EVA1C: variants seen among roughly 807,000 people sequenced by gnomAD.
The protein encoded by EVA1C is protein eva-1 homolog C.
Under a neutral mutation model 45.4 loss-of-function variants are expected in EVA1C, and 25 were observed. That is an observed-to-expected ratio of 0.55 (90% CI 0.40 to 0.77). The LOEUF (loss-of-function observed/expected upper bound fraction) is 0.77, where lower values mean the gene tolerates loss of function less well. Among genes scored for constraint, EVA1C ranks in the 30% least tolerant of loss-of-function variants. EVA1C has a pLI of 0.00. For synonymous variants in EVA1C, 190 were observed against 221.2 expected (o/e 0.86, Z 1.25); for missense variants, 479 against 554.8 (o/e 0.86, Z 1.37).
intron 3 of EVA1C, among the ~76,000 whole-genome samples, chr21:32,458,629 G>A (rs1282506351): frequency 6.6e-6 from 1 of 151,944 alleles, no homozygotes. Flanking sequence ...CTACAGGCAT[G>A]CACCACCACG....
intron 1 of EVA1C, among the ~76,000 whole-genome samples, chr21:32,448,505 G>A (rs921732408): frequency 5.9e-5 from 9 of 152,090 alleles, no homozygotes; most frequent in South Asian, 2.1e-4. Flanking sequence ...CCTCCCTAAC[G>A]CTAGCTCCTC....
intron 1 of EVA1C, among the ~76,000 whole-genome samples, chr21:32,443,250 T>G (rs2035246217): frequency 2.0e-5 from 3 of 152,148 alleles, no homozygotes; most frequent in Non-Finnish European, 4.4e-5. Context: ...TCTTTAAGAT[T>G]TACAGTACAT....
chr21:32,461,460 AC>A (rs1256751656), intron 3 of EVA1C, among the ~76,000 whole-genome samples: 1 of 152,086 alleles, frequency 6.6e-6, no homozygotes, highest in Non-Finnish European at 1.5e-5. Flanking sequence ...TTGTCTCCAC[AC>A]CTTCCTGCCT....
At chr21:32,441,141 C>T (rs937574944) in intron 1 of EVA1C, among the ~76,000 whole-genome samples, 3 of 152,188 alleles carry the variant, frequency 2.0e-5, no homozygotes, top group African/African-American at 7.2e-5. Context: ...TGATGACATA[C>T]TGCTATATGA....
At chr21:32,417,309 T>A (rs1307308179) in intron 1 of EVA1C, among the ~76,000 whole-genome samples, 1 of 152,240 alleles carries the variant, frequency 6.6e-6, no homozygotes, top group African/African-American at 2.4e-5. Context: ...GATCAAGGTC[T>A]TGGCAGAGTT....
chr21:32,478,847 A>T (rs1291345908), intron 4 of EVA1C, among the ~76,000 whole-genome samples: 2 of 152,236 alleles, frequency 1.3e-5, no homozygotes, highest in African/African-American at 4.8e-5. Context: ...TAATAAGAAG[A>T]TGAGAAAAAC....
At chr21:32,416,516 A>T (rs188917924) in intron 1 of EVA1C, among the ~76,000 whole-genome samples, 29 of 151,188 alleles carry the variant, frequency 1.9e-4, no homozygotes, top group African/African-American at 6.3e-4. Flanking sequence ...TTTAGTAGAG[A>T]CATGTTTTCA....
intron 7 of EVA1C, among the ~76,000 whole-genome samples, chr21:32,510,765 T>C (rs2037919926): frequency 1.3e-5 from 2 of 152,220 alleles, no homozygotes; most frequent in African/African-American, 4.8e-5. Flanking sequence ...CCAGATGCCA[T>C]GGCTCACACC....
At chr21:32,441,244 G>A (rs1252278029) in intron 1 of EVA1C, among the ~76,000 whole-genome samples, 5 of 152,120 alleles carry the variant, frequency 3.3e-5, no homozygotes, top group African/African-American at 4.8e-5. Context: ...AGGTTTCTAC[G>A]TAGCAAGATA....
intron 1 of EVA1C, among the ~76,000 whole-genome samples, chr21:32,445,434 G>A (rs751771455): frequency 3.3e-5 from 5 of 152,122 alleles, no homozygotes; most frequent in African/African-American, 7.2e-5. Flanking sequence ...AAAGGTGAGC[G>A]ATGTATGTAG....
intron 4 of EVA1C, among the ~76,000 whole-genome samples, chr21:32,471,221 A>G (rs2036358235): frequency 6.6e-6 from 1 of 151,940 alleles, no homozygotes; most frequent in Non-Finnish European, 1.5e-5. Flanking sequence ...CTTAACCTTT[A>G]TAATATTCAA....
chr21:32,509,519 G>A (rs1263591753), intron 7 of EVA1C, among the ~76,000 whole-genome samples: 2 of 152,216 alleles, frequency 1.3e-5, no homozygotes, highest in Non-Finnish European at 2.9e-5. Flanking sequence ...GCCAAGCTGA[G>A]TGCTTAAATC....
At chr21:32,458,006 G>A (rs1016688173) in intron 3 of EVA1C, among the ~76,000 whole-genome samples, 17 of 152,218 alleles carry the variant, frequency 1.1e-4, no homozygotes, top group African/African-American at 3.6e-4. Flanking sequence ...TTGTACTGAT[G>A]CTACAACTCT....
chr21:32,469,167 G>A (rs1224955616), intron 4 of EVA1C, among the ~76,000 whole-genome samples: 1 of 152,202 alleles, frequency 6.6e-6, no homozygotes, highest in Non-Finnish European at 1.5e-5. Context: ...CACCCTCGTG[G>A]AGCTGACGTT....
chr21:32,498,059 T>A (rs2146418992), intron 5 of EVA1C, among the ~76,000 whole-genome samples: 1 of 152,296 alleles, frequency 6.6e-6, no homozygotes, highest in Middle Eastern at 3.4e-3. Flanking sequence ...GGGGGTCACA[T>A]GTCCCAGTTC....
chr21:32,497,745 G>A (rs1359005774), intron 5 of EVA1C, among the ~76,000 whole-genome samples: 1 of 152,150 alleles, frequency 6.6e-6, no homozygotes, highest in Admixed American at 6.5e-5. Flanking sequence ...AGTTCCACAT[G>A]GCTAGGAGGT....
At chr21:32,490,845 A>G (rs995976661) in intron 4 of EVA1C, among the ~76,000 whole-genome samples, 1 of 152,244 alleles carries the variant, frequency 6.6e-6, no homozygotes, top group Non-Finnish European at 1.5e-5. Context: ...GCTAGCTCCA[A>G]TGCCTGCTAG....
rs1568923919 is a variant in EVA1C at position 32,475,367 on chromosome 21, CA to C, written c.634+7520del. On this transcript the variant is annotated intron_variant, in intron 4 of 7. Coordinates refer to ENST00000300255, the MANE Select transcript of EVA1C (RefSeq NM_058187.5). ...TCATCATCATCATCATCATCATCATCATTTTTATTGTTCTGCACAAACACCA... is the reference window on the plus strand; with the variant it reads ...TCATCATCATCATCATCATCATCATCTTTTTATTGTTCTGCACAAACACCA... Among the ~76,000 whole-genome samples the C allele has an allele frequency of 1.0e-4, 15 of 148,702 alleles. No homozygotes were observed. In the South Asian group the frequency reaches 3.7e-3, roughly 37 times the overall value.
intron 1 of EVA1C, among the ~76,000 whole-genome samples, chr21:32,434,572 C>A (rs9647148): frequency 0.53 from 80,028 of 151,322 alleles, 22,668 homozygotes; most frequent in East Asian, 0.74. Context: ...GCCTGGGCGA[C>A]AGAGCGAGAC....
Sources: gnomAD v4.1 joint callset for allele counts (sites outside exome capture counted in the v4.1 genomes callset) on GRCh38, gnomAD v4.1.1 for gene constraint, MANE v1.5 for transcripts, NCBI Gene and HGNC (gene_info 2026-07-23, HGNC 2026-07-21) for gene names.